The following TCF12 variants were observed in gnomAD, a reference collection of about 807,000 sequenced individuals.
The protein encoded by TCF12 is DNA-binding protein HTF4.
TCF12 carries 45 observed loss-of-function variants against 86.0 expected under a neutral mutation model. The ratio of observed to expected loss-of-function variants is 0.52; its 90% CI spans 0.41 to 0.67. The LOEUF is 0.67. TCF12 is among the 30% of genes least tolerant of loss of function. The pLI is 0.00. For missense variants in TCF12, 881 were observed against 859.9 expected, an observed-to-expected ratio of 1.02 and a Z score of -0.31; for synonymous variants, 330 against 299.6, an observed-to-expected ratio of 1.10 and a Z score of -1.05.
intron 3 of TCF12, among the ~76,000 whole-genome samples, chr15:56,953,078 G>GT (rs1179730476): frequency 6.6e-6 from 1 of 151,854 alleles, no homozygotes; most frequent in Non-Finnish European, 1.5e-5. Context: ...ATTTTGCCAG[G>GT]TATCTTTTCT....
intron 8 of TCF12, among the ~76,000 whole-genome samples, chr15:57,221,550 G>A (rs552114630): frequency 6.6e-6 from 1 of 152,044 alleles, no homozygotes; most frequent in South Asian, 2.1e-4. Flanking sequence ...AGGGGGGTAG[G>A]GGGAGCTTTG....
At position 57,288,430 on chromosome 15, in the gene TCF12, T is replaced by G. The variant is rs1177554424; in HGVS notation, c.*2285T>G. ...TTCAACCAGCAGCAAGAAGTTCAAA[T>G]TTTTTTCTGTCACTGTAACAGAAAA... is the stretch of plus-strand genomic sequence containing the variant. On this transcript the variant is annotated 3_prime_UTR_variant, in exon 21 of 21. Transcript: ENST00000333725. The G allele has an allele frequency of 6.6e-6, 1 of 152,634 alleles. No homozygotes were observed. The highest frequency in any genetic ancestry group is 1.5e-5 in the Non-Finnish European group (1 of 68,028). 9.5% of individuals were successfully genotyped at this position (152,634 alleles called of 1,614,324 possible).
intron 4 of TCF12, among the ~76,000 whole-genome samples, chr15:57,067,342 C>CA (rs1233557457): frequency 5.9e-5 from 9 of 151,768 alleles, no homozygotes; most frequent in African/African-American, 2.2e-4. Context: ...AGATCGAGAC[C>CA]ATCCCGGCTA....
At chr15:57,149,573 GA>G (rs1235865756) in intron 5 of TCF12, among the ~76,000 whole-genome samples, 19 of 152,284 alleles carry the variant, frequency 1.2e-4, no homozygotes, top group African/African-American at 4.6e-4. Context: ...TTGGAAATAA[GA>G]GAGCACAATA....
chr15:57,269,742 G>A (rs2061042979), intron 18 of TCF12, among the ~76,000 whole-genome samples: 1 of 152,146 alleles, frequency 6.6e-6, no homozygotes, highest in South Asian at 2.1e-4. Context: ...CTCTTGTAAG[G>A]CAGGCCTAGT....
intron 8 of TCF12, among the ~76,000 whole-genome samples, chr15:57,211,271 G>T (rs146018803): frequency 1.3e-4 from 20 of 152,236 alleles, no homozygotes; most frequent in African/African-American, 4.8e-4. Flanking sequence ...AGATAAAGTT[G>T]ATAGGGCAGG....
At chr15:57,155,158 T>G (rs2054027242) in intron 5 of TCF12, among the ~76,000 whole-genome samples, 1 of 152,176 alleles carries the variant, frequency 6.6e-6, no homozygotes, top group Admixed American at 6.6e-5. Flanking sequence ...TCTCTCTAAT[T>G]TACTGTTACA....
chr15:57,044,379 T>C (rs149488119), intron 3 of TCF12, among the ~76,000 whole-genome samples: 3 of 152,052 alleles, frequency 2.0e-5, no homozygotes, highest in Admixed American at 1.3e-4. Context: ...CTGGCCAACA[T>C]GATGAAACCC....
intron 5 of TCF12, among the ~76,000 whole-genome samples, chr15:57,137,123 G>C (rs1181677841): frequency 6.6e-6 from 1 of 151,978 alleles, no homozygotes; most frequent in Non-Finnish European, 1.5e-5. Context: ...GGGACTACAG[G>C]CACCTGCCAC....
chr15:57,145,194 G>A (rs531045328), intron 5 of TCF12, among the ~76,000 whole-genome samples: 41 of 152,182 alleles, frequency 2.7e-4, no homozygotes, highest in South Asian at 8.3e-4. Context: ...AGGGTATTCT[G>A]TCCATAGCTA....
chr15:57,277,669 G>A (rs539714736), intron 19 of TCF12, among the ~76,000 whole-genome samples: 1 of 151,882 alleles, frequency 6.6e-6, no homozygotes. Context: ...GGGCACAGTG[G>A]CTTATGCCTG....
At chr15:57,201,376 GAC>G (rs1306799160) in intron 8 of TCF12, among the ~76,000 whole-genome samples, 1 of 152,152 alleles carries the variant, frequency 6.6e-6, no homozygotes, top group Non-Finnish European at 1.5e-5. Context: ...AGGAAGAGTT[GAC>G]ATTTAAGTTG....
intron 5 of TCF12, among the ~76,000 whole-genome samples, chr15:57,140,361 G>A (rs12910094): frequency 0.38 from 58,535 of 152,094 alleles, 14,079 homozygotes; most frequent in Non-Finnish European, 0.53. Context: ...GAAGTACCTA[G>A]AGTAGTCAGA....
intron 3 of TCF12, among the ~76,000 whole-genome samples, chr15:56,971,734 C>T (rs2062340138): frequency 6.6e-6 from 1 of 152,194 alleles, no homozygotes; most frequent in African/African-American, 2.4e-5. Flanking sequence ...TGGAATTTTC[C>T]ATTTAATATT....
chr15:57,063,968 T>G lies in TCF12; in HGVS notation c.222+145T>G, dbSNP rs2068654570. ...AATACCTAGTACCTTTTTGTTACAT[T>G]TAGTTCTTTTTATAAGCTGTCAAAC... On this transcript the variant is annotated intron_variant, in intron 4 of 20. Coordinates refer to ENST00000333725, the MANE Select transcript of TCF12 (RefSeq NM_207037.2). The G allele has an allele frequency of 6.2e-6, 4 of 640,214 alleles. No homozygotes were observed. The East Asian group carries it at 1.0e-4, about 17-fold the overall frequency. The allele number at this position is 640,214 out of a possible 1,614,324, so 39.7% of individuals were successfully genotyped here. A position where few individuals can be genotyped will look rare whatever the true frequency, so the allele number is the denominator to read the frequency against.
At chr15:57,200,491 G>T (rs1056794324) in intron 8 of TCF12, among the ~76,000 whole-genome samples, 2 of 152,200 alleles carry the variant, frequency 1.3e-5, no homozygotes, top group Non-Finnish European at 1.5e-5. Flanking sequence ...ATGATAATTT[G>T]AATATTATAC....
chr15:57,160,574 A>T (rs1419576045), intron 5 of TCF12, among the ~76,000 whole-genome samples: 1 of 152,228 alleles, frequency 6.6e-6, no homozygotes, highest in Admixed American at 6.5e-5. Context: ...CACTAAAAAG[A>T]GCTAAATGTC....
intron 5 of TCF12, among the ~76,000 whole-genome samples, chr15:57,113,769 G>A (rs912909125): frequency 2.5e-5 from 3 of 119,782 alleles, no homozygotes; most frequent in Admixed American, 1.0e-4. Context: ...ACAAGAGCTC[G>A]TCTCTACTTA....
At chr15:57,078,659 A>G (rs2070354577) in intron 4 of TCF12, among the ~76,000 whole-genome samples, 1 of 152,214 alleles carries the variant, frequency 6.6e-6, no homozygotes, top group Non-Finnish European at 1.5e-5. Flanking sequence ...CTAGATTGAC[A>G]TGAAAAGATA....
Sources: allele counts gnomAD v4.1 joint callset (sites outside exome capture counted in the v4.1 genomes callset), GRCh38; gene constraint gnomAD v4.1.1; transcripts MANE v1.5; gene names NCBI Gene and HGNC (gene_info 2026-07-23, HGNC 2026-07-21).